Variants in CPA6 observed in about 807,000 individuals in gnomAD.
The protein encoded by CPA6 is carboxypeptidase B.
A neutral mutation model predicts 63.3 loss-of-function variants in CPA6; 58 were observed. The ratio of observed to expected loss-of-function variants is 0.92; its 90% CI spans 0.74 to 1.14. The LOEUF is 1.14. CPA6 is among the 50% of genes most tolerant of loss of function. CPA6 has a pLI of 0.00. For missense variants in CPA6, 565 were observed against 526.6 expected (o/e 1.07, Z -0.71); for synonymous variants, 185 against 179.0 (o/e 1.03, Z -0.27).
chr8:67,422,134 G>A lies in CPA6; in HGVS notation c.*370C>T, dbSNP rs1809777392. 1.8e-5 allele frequency: 3 copies of A among 165,484 alleles called. No individual in the cohort carries two copies. The Admixed American group carries it at 1.9e-4, about 10-fold the overall frequency. The allele number at this position is 165,484 out of a possible 1,614,324, so 10.3% of individuals were successfully genotyped here. A position where few individuals can be genotyped will look rare whatever the true frequency, so the allele number is the denominator to read the frequency against. On this transcript the variant is annotated 3_prime_UTR_variant, in exon 11 of 11. Coordinates refer to ENST00000297770, the MANE Select transcript of CPA6 (RefSeq NM_020361.5). Reference sequence around the variant, plus strand: ...CATTTCATAATTTTCCATTTCCAATGAGAACCAAGTAATTAAACATCATTA... The same window carrying A: ...CATTTCATAATTTTCCATTTCCAATAAGAACCAAGTAATTAAACATCATTA...
chr8:67,486,833 C>A (rs1397402620), intron 6 of CPA6, among the ~76,000 whole-genome samples: 1 of 151,640 alleles, frequency 6.6e-6, no homozygotes, highest in Non-Finnish European at 1.5e-5. Flanking sequence ...ATTTTATTGA[C>A]TTCTGCTCTT....
At chr8:67,593,483 GGT>G in intron 2 of CPA6, among the ~76,000 whole-genome samples, 1 of 152,168 alleles carries the variant, frequency 6.6e-6, no homozygotes, top group South Asian at 2.1e-4. Flanking sequence ...TTGACAGTGG[GGT>G]GTTAAAGTCT....
chr8:67,598,384 C>T (rs1814403569), intron 2 of CPA6, among the ~76,000 whole-genome samples: 1 of 152,084 alleles, frequency 6.6e-6, no homozygotes, highest in Non-Finnish European at 1.5e-5. Flanking sequence ...ATCACCTAGT[C>T]TGCATTACTT....
intron 1 of CPA6, among the ~76,000 whole-genome samples, chr8:67,714,275 G>A (rs1264952183): frequency 6.6e-6 from 1 of 152,180 alleles, no homozygotes; most frequent in African/African-American, 2.4e-5. Context: ...CAAAATCAGA[G>A]TGGAAAGCGA....
At position 67,658,155 on chromosome 8, in the gene CPA6, C is replaced by A. The variant is rs141612927; in HGVS notation, c.117-33904G>T. 1.7e-3 allele frequency among the ~76,000 whole-genome samples: 260 copies of A among 152,306 alleles called. 2 individuals carry two copies. Among genetic ancestry groups the A allele is most frequent in the African/African-American group, 5.9e-3 (244 of 41,558 alleles). On this transcript the variant is annotated intron_variant, in intron 1 of 10. Coordinates refer to ENST00000297770, the MANE Select transcript of CPA6 (RefSeq NM_020361.5). ...AAGAATTCCTATTCATCTTATAACA[C>A]CCACCTAACAGAATTTTTTTAAAGG...
At chr8:67,587,467 C>A (rs566629467) in intron 2 of CPA6, among the ~76,000 whole-genome samples, 1 of 152,080 alleles carries the variant, frequency 6.6e-6, no homozygotes, top group Admixed American at 6.5e-5. Flanking sequence ...TAGAATTATT[C>A]CATATCAGAG....
chr8:67,663,747 C>T (rs1411263390), intron 1 of CPA6, among the ~76,000 whole-genome samples: 3 of 152,108 alleles, frequency 2.0e-5, no homozygotes, highest in African/African-American at 4.8e-5. Context: ...TGTATATGTA[C>T]CACATTTTCT....
chr8:67,632,811 C>A (rs1815373711), intron 1 of CPA6, among the ~76,000 whole-genome samples: 1 of 152,204 alleles, frequency 6.6e-6, no homozygotes. Context: ...CATATGATAT[C>A]TACTCTGTAG....
intron 2 of CPA6, among the ~76,000 whole-genome samples, chr8:67,529,752 C>T (rs530570212): frequency 6.6e-6 from 1 of 152,224 alleles, no homozygotes; most frequent in South Asian, 2.1e-4. Flanking sequence ...GAAAATACCT[C>T]CCCTCAAAGA....
At chr8:67,744,910 G>A (rs1817979897) in intron 1 of CPA6, among the ~76,000 whole-genome samples, 1 of 152,090 alleles carries the variant, frequency 6.6e-6, no homozygotes, top group Admixed American at 6.5e-5. Flanking sequence ...CTAAAACTGA[G>A]GACATGTTTC....
chr8:67,607,457 C>T (rs537471379), intron 2 of CPA6, among the ~76,000 whole-genome samples: 3 of 151,892 alleles, frequency 2.0e-5, no homozygotes, highest in Admixed American at 1.3e-4. Context: ...TGCTTGAAAC[C>T]ATCTTTAGTC....
intron 2 of CPA6, among the ~76,000 whole-genome samples, chr8:67,569,204 GAC>G (rs1255315425): frequency 6.6e-6 from 1 of 152,142 alleles, no homozygotes; most frequent in African/African-American, 2.4e-5. Context: ...AAAAATTAAA[GAC>G]AGAGTTCTGA....
At chr8:67,492,394 T>G (rs1811625337) in intron 6 of CPA6, among the ~76,000 whole-genome samples, 1 of 152,094 alleles carries the variant, frequency 6.6e-6, no homozygotes, top group Non-Finnish European at 1.5e-5. Flanking sequence ...CAAGGCAAAT[T>G]TTTTATGAAA....
At chr8:67,433,564 T>C (rs1292206872) in intron 9 of CPA6, among the ~76,000 whole-genome samples, 1 of 152,250 alleles carries the variant, frequency 6.6e-6, no homozygotes, top group African/African-American at 2.4e-5. Flanking sequence ...TTTTAATTAA[T>C]GAGAATCAAT....
chr8:67,705,323 A>C (rs1817111257), intron 1 of CPA6, among the ~76,000 whole-genome samples: 2 of 152,152 alleles, frequency 1.3e-5, no homozygotes, highest in South Asian at 4.1e-4. Context: ...ATCAGACCTC[A>C]CCATCAACAG....
chr8:67,468,893 C>A (rs1810992102), intron 8 of CPA6, among the ~76,000 whole-genome samples: 5 of 152,142 alleles, frequency 3.3e-5, no homozygotes, highest in Admixed American at 3.3e-4. Context: ...TGTTGACATG[C>A]CACATATTTT....
intron 2 of CPA6, among the ~76,000 whole-genome samples, chr8:67,573,891 C>CAAAA (rs34145304): frequency 2.4e-3 from 79 of 33,494 alleles, no homozygotes; most frequent in Non-Finnish European, 3.2e-3. Context: ...GACTCCGTCT[C>CAAAA]AAAAAAAAAA....
At chr8:67,698,973 C>T (rs186422810) in intron 1 of CPA6, among the ~76,000 whole-genome samples, 248 of 152,302 alleles carry the variant, frequency 1.6e-3, no homozygotes, top group Non-Finnish European at 3.1e-3. Flanking sequence ...GGCCACTCTG[C>T]ACAAGGTAAG....
intron 1 of CPA6, among the ~76,000 whole-genome samples, chr8:67,628,171 C>A (rs1815235967): frequency 6.6e-6 from 1 of 151,860 alleles, no homozygotes; most frequent in Non-Finnish European, 1.5e-5. Context: ...CGAGATTGAG[C>A]CACTGCACTC....
Sources: allele counts gnomAD v4.1 joint callset (sites outside exome capture counted in the v4.1 genomes callset), GRCh38; gene constraint gnomAD v4.1.1; transcripts MANE v1.5; gene names NCBI Gene and HGNC (gene_info 2026-07-23, HGNC 2026-07-21).